Variants in C9orf153 observed in about 807,000 individuals in gnomAD.
C9orf153 encodes the protein chromosome 9 open reading frame 153.
In C9orf153, 10 loss-of-function variants were observed where a neutral mutation model predicts 9.0. The observed-to-expected ratio is 1.11, with a 90% CI of 0.69 to 1.89. The LOEUF is 1.89. Ranked by LOEUF, C9orf153 falls within the 40% of genes most tolerant of loss-of-function variation. C9orf153 has a pLI of 0.00. For missense variants in C9orf153, 108 were observed against 111.0 expected (o/e 0.97, Z 0.12); for synonymous variants, 35 against 37.3 (o/e 0.94, Z 0.23).
At chr9:86,249,858 T>G (rs1195984881) in intron 1 of C9orf153, among the ~76,000 whole-genome samples, 1 of 152,246 alleles carries the variant, frequency 6.6e-6, no homozygotes, top group East Asian at 1.9e-4. Context: ...CCTTCCCCTT[T>G]GCTCTCTGAA....
At chr9:86,244,583 TATAAA>T (rs1564002456) in intron 1 of C9orf153, among the ~76,000 whole-genome samples, 1 of 152,188 alleles carries the variant, frequency 6.6e-6, no homozygotes, top group Non-Finnish European at 1.5e-5. Context: ...ACAAAGTAGA[TATAAA>T]ATAAAAATTA....
At chr9:86,240,121 T>G (rs1824698075) in intron 1 of C9orf153, among the ~76,000 whole-genome samples, 1 of 152,212 alleles carries the variant, frequency 6.6e-6, no homozygotes, top group Non-Finnish European at 1.5e-5. Flanking sequence ...AACTTAAATA[T>G]ATTATCTGAT....
At chr9:86,242,361 T>C (rs1214754489) in intron 1 of C9orf153, among the ~76,000 whole-genome samples, 1 of 145,528 alleles carries the variant, frequency 6.9e-6, no homozygotes, top group African/African-American at 2.7e-5. Context: ...CTTACATTCT[T>C]TTTTTTTTCT....
intron 1 of C9orf153, among the ~76,000 whole-genome samples, chr9:86,240,707 C>CTTTTTTTTTT (rs367674249): frequency 6.8e-5 from 8 of 117,012 alleles, no homozygotes; most frequent in Non-Finnish European, 1.1e-4. Flanking sequence ...TTTTCTTTTT[C>CTTTTTTTTTT]TTTTTTTTTT....
At chr9:86,226,748 G>T (rs915560289) in intron 3 of C9orf153, among the ~76,000 whole-genome samples, 8 of 151,396 alleles carry the variant, frequency 5.3e-5, no homozygotes, top group Non-Finnish European at 1.0e-4. Context: ...AAGTTTCATG[G>T]TTTTTTGTTT....
Position 86,240,707 on chromosome 9 carries a change from CTTTTTTTTT to C in C9orf153, c.-26-11087_-26-11079del, listed in dbSNP as rs367674249. Among the ~76,000 whole-genome samples the C allele has an allele frequency of 6.0e-5, 7 of 117,010 alleles. 1 individual carries two copies. Among genetic ancestry groups the C allele is most frequent in the African/African-American group, 1.8e-4 (6 of 33,378 alleles). 76.8% of individuals were successfully genotyped at this position (117,010 alleles called of 152,430 possible). A position where few individuals can be genotyped will look rare whatever the true frequency, so the allele number is the denominator to read the frequency against. On this transcript the variant is annotated intron_variant, in intron 1 of 3. Transcript: ENST00000339137. ...TTGCTTTTCTTTTCTTTTTCTTTTTCTTTTTTTTTTTTTTTTTTTGAGATGGAGTCTCCC... is the reference window on the plus strand; with the variant it reads ...TTGCTTTTCTTTTCTTTTTCTTTTTCTTTTTTTTTTGAGATGGAGTCTCCC...
Position 86,225,167 on chromosome 9 carries a change from T to C in C9orf153, c.242+2688A>G, listed in dbSNP as rs187593891. On this transcript the variant is annotated intron_variant, in intron 3 of 3. Transcript: ENST00000339137. ...CCGGTGCTTGGTGCCAGTAGGAATA[T>C]GTTCTTTAGTATACTTTGGAATACC... is the stretch of plus-strand genomic sequence containing the variant. 7.6e-4 allele frequency among the ~76,000 whole-genome samples: 115 copies of C among 152,246 alleles called. 2 individuals carry two copies. The East Asian group carries it at 0.015, about 19-fold the overall frequency.
chr9:86,227,720 G>T, intron 3 of C9orf153, 135 bp downstream of exon 3: 1 of 1,396,302 alleles, frequency 7.2e-7, no homozygotes, highest in South Asian at 2.0e-5. Flanking sequence ...GTGCTTGGGA[G>T]GGGAGATCCC....
intron 1 of C9orf153, among the ~76,000 whole-genome samples, chr9:86,239,122 G>A (rs1452426297): frequency 2.6e-5 from 4 of 151,942 alleles, no homozygotes; most frequent in Admixed American, 1.3e-4. Flanking sequence ...TTAGCCAGGC[G>A]TGGCGGCGCA....
rs1824421507 is a variant in C9orf153 at position 86,229,615 on chromosome 9, T to G, written c.-12A>C. On this transcript the variant is annotated 5_prime_UTR_variant, in exon 2 of 4. Coordinates refer to ENST00000339137, the MANE Select transcript of C9orf153 (RefSeq NM_001276366.4). ...CCAGTGAGGAACATCGTGCTGGGAT[T>G]TTATTCTCTAATTCCTAAAAAAAGC... The G allele has an allele frequency of 6.2e-7, 1 of 1,603,282 alleles. No homozygotes were observed. Among genetic ancestry groups the G allele is most frequent in the Admixed American group, 1.7e-5 (1 of 59,306 alleles).
intron 1 of C9orf153, among the ~76,000 whole-genome samples, chr9:86,235,574 G>T (rs536842777): frequency 6.6e-6 from 1 of 151,934 alleles, no homozygotes; most frequent in East Asian, 1.9e-4. Flanking sequence ...GACCAACATG[G>T]TGAAACCCTA....
intron 2 of C9orf153, 34 bp from the exon 3 acceptor site, chr9:86,228,064 A>T (rs755243407): frequency 6.7e-7 from 1 of 1,494,448 alleles, no homozygotes; most frequent in South Asian, 1.3e-5. Flanking sequence ...AAGTCACGAG[A>T]CTGACAAAAA....
At chr9:86,229,499 T>A in intron 2 of C9orf153, 39 bp downstream of exon 2, 1 of 1,362,554 alleles carries the variant, frequency 7.3e-7, no homozygotes, top group Non-Finnish European at 1.0e-6. Context: ...AATGTAAAGC[T>A]CCCTGTGTAC....
chr9:86,238,968 A>C (rs900547201), intron 1 of C9orf153, among the ~76,000 whole-genome samples: 5 of 151,714 alleles, frequency 3.3e-5, no homozygotes, highest in Admixed American at 2.6e-4. Context: ...TGTAAAAAAA[A>C]AAAACAAACA....
chr9:86,230,424 C>T (rs567229207), intron 1 of C9orf153, among the ~76,000 whole-genome samples: 2 of 152,346 alleles, frequency 1.3e-5, no homozygotes, highest in East Asian at 1.9e-4. Flanking sequence ...GCCTTAGCCT[C>T]CCAAGTAGCT....
intron 1 of C9orf153, among the ~76,000 whole-genome samples, chr9:86,254,221 G>T (rs1050636749): frequency 6.6e-6 from 1 of 151,972 alleles, no homozygotes; most frequent in African/African-American, 2.4e-5. Context: ...TAGTACACTT[G>T]TTAGATTCTT....
At position 86,228,011 on chromosome 9, in the gene C9orf153, C is replaced by A; in HGVS notation, c.86G>T (p.Cys29Phe). 6.2e-7 allele frequency: 1 copy of A among 1,606,388 alleles called. No individual in the cohort carries two copies. Among genetic ancestry groups the A allele is most frequent in the Non-Finnish European group, 8.5e-7 (1 of 1,176,488 alleles). ...PQCSLPELYA[C>F]IENFNKESKK... ...GCTCTCCTTATTAAAATTCTCAATACATGCATATAATTCTGGAAGCTGTGG... is the reference window on the plus strand; with the variant it reads ...GCTCTCCTTATTAAAATTCTCAATAAATGCATATAATTCTGGAAGCTGTGG... Residue 29 changes from cysteine to phenylalanine, a missense_variant, in exon 3 of 4, where the codon TGT (cysteine) becomes TTT (phenylalanine). By Grantham distance (205) the Cys-to-Phe change is radical. Transcript: ENST00000339137.
chr9:86,227,955 T>C lies in C9orf153; in HGVS notation c.142A>G (p.Ile48Val). ...KKSNLLKMHG[I>V]SLNEAQEVLA... ...ACTTCCTGTGCTTCGTTAAGTGAAATACCATGCATTTTTAGAAGATTTGAT... is the reference window on the plus strand; with the variant it reads ...ACTTCCTGTGCTTCGTTAAGTGAAACACCATGCATTTTTAGAAGATTTGAT... The change falls in exon 3 of 4, where the codon ATT (isoleucine) becomes GTT (valine). Residue 48 changes from isoleucine (I) to valine (V), a missense_variant. By Grantham distance (29) the Ile-to-Val change is conservative. Coordinates refer to ENST00000339137, the MANE Select transcript of C9orf153 (RefSeq NM_001276366.4). The C allele has an allele frequency of 6.2e-7, 1 of 1,613,698 alleles. No individual in the cohort carries two copies. Among genetic ancestry groups the C allele is most frequent in the Non-Finnish European group, 8.5e-7 (1 of 1,179,704 alleles).
At chr9:86,222,592 G>A (rs927410149) in intron 3 of C9orf153, among the ~76,000 whole-genome samples, 4 of 152,050 alleles carry the variant, frequency 2.6e-5, no homozygotes, top group African/African-American at 9.7e-5. Flanking sequence ...AGTAGCCAAT[G>A]AGCCAAGGAG....
Sources: gnomAD v4.1 joint callset for allele counts (sites outside exome capture counted in the v4.1 genomes callset) on GRCh38, gnomAD v4.1.1 for gene constraint, MANE v1.5 for transcripts, NCBI Gene and HGNC (gene_info 2026-07-23, HGNC 2026-07-21) for gene names.